NEK11: variants seen among roughly 807,000 people sequenced by gnomAD.
NEK11 encodes the protein serine/threonine-protein kinase Nek11.
NEK11 carries 72 observed loss-of-function variants against 80.7 expected under a neutral mutation model. That is an observed-to-expected ratio of 0.89 (90% CI 0.74 to 1.08). The LOEUF (loss-of-function observed/expected upper bound fraction) is 1.08, where lower values mean the gene tolerates loss of function less well. Ranked by LOEUF, NEK11 falls within the 50% of genes least tolerant of loss-of-function variation. The pLI is 0.00. For missense variants in NEK11, 764 were observed against 763.6 expected (o/e 1.00, Z -0.01); for synonymous variants, 251 against 260.7 (o/e 0.96, Z 0.36).
intron 7 of NEK11, among the ~76,000 whole-genome samples, chr3:131,145,084 A>C: frequency 6.6e-6 from 1 of 151,976 alleles, no homozygotes. Flanking sequence ...GCTCACTGTA[A>C]CCTCAAACTC....
chr3:131,266,619 C>T (rs2096064477), intron 16 of NEK11, among the ~76,000 whole-genome samples: 1 of 152,168 alleles, frequency 6.6e-6, no homozygotes, highest in African/African-American at 2.4e-5. Context: ...AGTGTTTTTA[C>T]TTCCAATTAT....
At chr3:131,277,330 G>T (rs899054249) in intron 17 of NEK11, among the ~76,000 whole-genome samples, 2 of 152,030 alleles carry the variant, frequency 1.3e-5, no homozygotes, top group South Asian at 4.2e-4. Flanking sequence ...TGTGAATTTT[G>T]ATCTGCTCTT....
At chr3:131,262,119 TAAAAAG>T (rs2095935611) in intron 16 of NEK11, among the ~76,000 whole-genome samples, 1 of 151,796 alleles carries the variant, frequency 6.6e-6, no homozygotes, top group African/African-American at 2.4e-5. Context: ...CTTAAAGAAA[TAAAAAG>T]GATTGTAAAG....
intron 17 of NEK11, among the ~76,000 whole-genome samples, chr3:131,341,621 G>A (rs909182326): frequency 9.2e-5 from 14 of 152,242 alleles, no homozygotes; most frequent in Non-Finnish European, 1.5e-4. Context: ...CCAGCATTGT[G>A]AGAATATATC....
intron 16 of NEK11, among the ~76,000 whole-genome samples, chr3:131,245,374 A>C (rs1317684456): frequency 6.6e-6 from 1 of 151,520 alleles, no homozygotes; most frequent in Non-Finnish European, 1.5e-5. Context: ...TTGGTTCCAT[A>C]TCTTTGCTGT....
At chr3:131,325,805 A>C (rs538496382) in intron 17 of NEK11, 1 of 152,340 alleles carries the variant, frequency 6.6e-6, no homozygotes. Flanking sequence ...ACCAGTCTCG[A>C]GTTGTTACTA....
intron 16 of NEK11, among the ~76,000 whole-genome samples, chr3:131,262,265 T>A (rs568891479): frequency 1.3e-5 from 2 of 152,140 alleles, no homozygotes; most frequent in Admixed American, 1.3e-4. Flanking sequence ...TGTGCACCTG[T>A]AGTCCCAGCT....
chr3:131,096,884 C>T (rs1373344718), intron 4 of NEK11, among the ~76,000 whole-genome samples: 1 of 100,530 alleles, frequency 9.9e-6, no homozygotes, highest in African/African-American at 3.9e-5. Flanking sequence ...ATCCCTCCCC[C>T]CTCCCCCCAC....
At chr3:131,139,534 A>G (rs539941494) in intron 7 of NEK11, among the ~76,000 whole-genome samples, 1 of 152,242 alleles carries the variant, frequency 6.6e-6, no homozygotes, top group South Asian at 2.1e-4. Context: ...ATATATAAGT[A>G]TAAGAAGGTT....
chr3:131,044,587 A>G (rs1395996322), intron 3 of NEK11, among the ~76,000 whole-genome samples: 1 of 152,076 alleles, frequency 6.6e-6, no homozygotes, highest in Non-Finnish European at 1.5e-5. Context: ...CTAGGTATAT[A>G]TGCACCCAAT....
chr3:131,036,395 T>C (rs2065653403), intron 3 of NEK11, among the ~76,000 whole-genome samples: 1 of 152,150 alleles, frequency 6.6e-6, no homozygotes, highest in African/African-American at 2.4e-5. Flanking sequence ...CAGTGAATTC[T>C]GTTTGGTCTG....
intron 14 of NEK11, among the ~76,000 whole-genome samples, chr3:131,207,381 A>G (rs1313035324): frequency 6.6e-6 from 1 of 152,146 alleles, no homozygotes; most frequent in Non-Finnish European, 1.5e-5. Context: ...CAGGAGATCG[A>G]GACCATCCTG....
intron 14 of NEK11, among the ~76,000 whole-genome samples, chr3:131,178,686 G>A (rs1472894591): frequency 6.6e-6 from 1 of 152,098 alleles, no homozygotes; most frequent in African/African-American, 2.4e-5. Context: ...TTTTAAATAA[G>A]TAGAAGGAGT....
intron 17 of NEK11, among the ~76,000 whole-genome samples, chr3:131,344,069 A>C (rs2097326364): frequency 6.6e-6 from 1 of 152,100 alleles, no homozygotes; most frequent in African/African-American, 2.4e-5. Flanking sequence ...AATTTTCCAA[A>C]CTTTTATGCT....
chr3:131,145,700 G>T lies in NEK11; in HGVS notation c.648-6688G>T, dbSNP rs138859539. Reference sequence around the variant, plus strand: ...TGATTGGTGCAAGATCCAGAGGCAGGATAGCATAGAGAGTCTGTGTCTCTA... The same window carrying T: ...TGATTGGTGCAAGATCCAGAGGCAGTATAGCATAGAGAGTCTGTGTCTCTA... On this transcript the variant is annotated intron_variant, in intron 7 of 17. Coordinates refer to ENST00000383366, the MANE Select transcript of NEK11 (RefSeq NM_024800.5). 3.2e-3 allele frequency among the ~76,000 whole-genome samples: 489 copies of T among 152,244 alleles called. 2 individuals carry two copies. Among genetic ancestry groups the T allele is most frequent in the Admixed American group, 7.6e-3 (116 of 15,278 alleles).
intron 17 of NEK11, among the ~76,000 whole-genome samples, chr3:131,314,197 C>T (rs970146474): frequency 6.6e-6 from 1 of 151,606 alleles, no homozygotes; most frequent in Non-Finnish European, 1.5e-5. Flanking sequence ...CACAATTTTG[C>T]ACCACGTTAC....
intron 5 of NEK11, among the ~76,000 whole-genome samples, chr3:131,130,284 A>G (rs984660478): frequency 2.0e-5 from 3 of 152,174 alleles, no homozygotes; most frequent in Admixed American, 2.0e-4. Context: ...TCAACCTTGT[A>G]TTCTGCAACA....
chr3:131,074,724 C>T (rs763617175), intron 3 of NEK11, among the ~76,000 whole-genome samples: 10 of 152,102 alleles, frequency 6.6e-5, no homozygotes, highest in South Asian at 4.1e-4. Context: ...AAGTATAAAG[C>T]GGTTTGCATT....
intron 5 of NEK11, among the ~76,000 whole-genome samples, chr3:131,115,903 TTTCTTTCTTTCTTTCTTTC>T (rs2080955148): frequency 4.2e-5 from 1 of 23,956 alleles, no homozygotes; most frequent in Non-Finnish European, 8.3e-5. Flanking sequence ...AAGGTAGTGT[TTTCTTTCTTTCTTTCTTTC>T]TTTCTTTCTT....
Sources: allele counts gnomAD v4.1 joint callset (sites outside exome capture counted in the v4.1 genomes callset), GRCh38; gene constraint gnomAD v4.1.1; transcripts MANE v1.5; gene names NCBI Gene and HGNC (gene_info 2026-07-23, HGNC 2026-07-21).